ANGPT1: variants seen among roughly 807,000 people sequenced by gnomAD.
The protein encoded by ANGPT1 is angiopoietin 1.
ANGPT1 carries 17 observed loss-of-function variants against 62.2 expected under a neutral mutation model. The observed-to-expected ratio is 0.27, with a 90% CI of 0.19 to 0.41. The LOEUF is 0.41. Ranked by LOEUF, ANGPT1 falls within the 10% of genes least tolerant of loss-of-function variation. The pLI, the probability that ANGPT1 is intolerant of heterozygous loss-of-function variation, is 1.00. For synonymous variants in ANGPT1, 199 were observed against 198.9 expected, an observed-to-expected ratio of 1.00 and a Z score of 0.00; for missense variants, 478 against 594.9, an observed-to-expected ratio of 0.80 and a Z score of 2.04.
chr8:107,362,980 T>C lies in ANGPT1; in HGVS notation c.298-15883A>G, dbSNP rs17297728. ...ATGACTTCTTCCAAACTGGGGGAAA[T>C]GTCTTGGTGAATTCCCACAGGCAGG... On this transcript the variant is annotated intron_variant, in intron 1 of 8. Transcript: ENST00000517746. Among the ~76,000 whole-genome samples the C allele has an allele frequency of 3.3e-3, 501 of 152,204 alleles. 1 individual carries two copies. The highest frequency in any genetic ancestry group is 5.5e-3 in the Non-Finnish European group (373 of 68,006).
At chr8:107,317,804 T>C (rs1815054842) in intron 4 of ANGPT1, among the ~76,000 whole-genome samples, 1 of 151,972 alleles carries the variant, frequency 6.6e-6, no homozygotes, top group South Asian at 2.1e-4. Context: ...CTAATTTCTG[T>C]ATTTTTAGTA....
At position 107,497,650 on chromosome 8, in the gene ANGPT1, C is replaced by T. The variant is rs1813149062; in HGVS notation, c.-92G>A. 6 of 1,337,048 alleles carry T rather than the reference C, an allele frequency of 4.5e-6. No homozygotes were observed. In the East Asian group the frequency reaches 1.3e-4, roughly 29 times the overall value. 82.8% of individuals were successfully genotyped at this position (1,337,048 alleles called of 1,614,324 possible). ...TAGTTCTTTATTTCAGGTAAAACTG[C>T]TTGTTTGTTTGACTCTTTCCCCCTC... On this transcript the variant is annotated 5_prime_UTR_variant, in exon 1 of 9. Transcript: ENST00000517746.
chr8:107,437,821 A>C (rs1176453314), intron 1 of ANGPT1, among the ~76,000 whole-genome samples: 2 of 152,088 alleles, frequency 1.3e-5, no homozygotes, highest in East Asian at 3.9e-4. Context: ...TAAAAAAATA[A>C]GAAAAAGAAA....
intron 1 of ANGPT1, among the ~76,000 whole-genome samples, chr8:107,448,645 T>C (rs1397697081): frequency 6.6e-6 from 1 of 152,140 alleles, no homozygotes; most frequent in African/African-American, 2.4e-5. Flanking sequence ...GTGACCTTTG[T>C]CATTTGGGTA....
chr8:107,310,991 GTA>G (rs1814845468), intron 4 of ANGPT1, among the ~76,000 whole-genome samples: 1 of 150,504 alleles, frequency 6.6e-6, no homozygotes, highest in Non-Finnish European at 1.5e-5. Flanking sequence ...GAGTGTGTGT[GTA>G]TGTGTGTGAC....
intron 1 of ANGPT1, among the ~76,000 whole-genome samples, chr8:107,370,531 G>T (rs568944144): frequency 7.4e-6 from 1 of 134,958 alleles, no homozygotes; most frequent in Non-Finnish European, 1.6e-5. Context: ...GCCCAACATG[G>T]TCTCTACTAA....
chr8:107,338,936 G>A (rs1167215157), intron 2 of ANGPT1, among the ~76,000 whole-genome samples: 2 of 152,180 alleles, frequency 1.3e-5, no homozygotes, highest in Non-Finnish European at 2.9e-5. Flanking sequence ...GAGGTACATT[G>A]TCTCACTAAA....
At chr8:107,349,191 GA>G (rs1815880629) in intron 1 of ANGPT1, among the ~76,000 whole-genome samples, 2 of 151,130 alleles carry the variant, frequency 1.3e-5, no homozygotes, top group African/African-American at 2.4e-5. Flanking sequence ...TAGACACTTG[GA>G]TGCATAGATA....
In ANGPT1 at chr8:107,491,803, G is replaced by C. The variant is rs558484835; in HGVS notation, c.297+5459C>G. Among the ~76,000 whole-genome samples the C allele has an allele frequency of 5.3e-5, 8 of 152,250 alleles. No homozygotes were observed. In the South Asian group the frequency reaches 1.7e-3, roughly 32 times the overall value. On this transcript the variant is annotated intron_variant, in intron 1 of 8. Transcript: ENST00000517746. ...TGAGAAGTTGTAGGAGGATTTTAAG[G>C]GGGGAAATGACATTCTTATTCATTT...
intron 8 of ANGPT1, among the ~76,000 whole-genome samples, chr8:107,262,583 T>C (rs1244935260): frequency 6.6e-6 from 1 of 152,224 alleles, no homozygotes; most frequent in Non-Finnish European, 1.5e-5. Context: ...TATGTTTTAA[T>C]AATGGTAGTA....
intron 7 of ANGPT1, among the ~76,000 whole-genome samples, chr8:107,271,521 T>C (rs1346066197): frequency 6.6e-6 from 1 of 151,798 alleles, no homozygotes; most frequent in East Asian, 1.9e-4. Flanking sequence ...AACAATGACA[T>C]AGAGATACAG....
At chr8:107,411,340 A>T (rs989879393) in intron 1 of ANGPT1, among the ~76,000 whole-genome samples, 1 of 152,198 alleles carries the variant, frequency 6.6e-6, no homozygotes, top group Non-Finnish European at 1.5e-5. Flanking sequence ...TTAAATAAAC[A>T]TTGTTTGTTT....
intron 1 of ANGPT1, among the ~76,000 whole-genome samples, chr8:107,366,521 ACT>A (rs1816276801): frequency 2.0e-5 from 3 of 152,310 alleles, no homozygotes; most frequent in Admixed American, 2.0e-4. Context: ...TGTACAATAA[ACT>A]CAACACAGTT....
chr8:107,289,315 T>G (rs987699186), intron 6 of ANGPT1, among the ~76,000 whole-genome samples: 1 of 152,128 alleles, frequency 6.6e-6, no homozygotes, highest in African/African-American at 2.4e-5. Context: ...ATGTTCAATT[T>G]TGGTTTGTGC....
intron 1 of ANGPT1, among the ~76,000 whole-genome samples, chr8:107,356,099 C>A (rs1304254554): frequency 6.6e-6 from 1 of 152,212 alleles, no homozygotes; most frequent in Non-Finnish European, 1.5e-5. Context: ...TAGCAATTAT[C>A]AATGATCCCC....
intron 2 of ANGPT1, 117 bp from the exon 3 acceptor site, chr8:107,336,388 G>A (rs1815561589): frequency 2.2e-6 from 3 of 1,393,538 alleles, no homozygotes; most frequent in African/African-American, 1.5e-5. Context: ...GTTTACCGCC[G>A]GGCGCAGTGG....
intron 1 of ANGPT1, among the ~76,000 whole-genome samples, chr8:107,369,809 T>C (rs937789747): frequency 6.6e-6 from 1 of 152,074 alleles, no homozygotes; most frequent in Non-Finnish European, 1.5e-5. Context: ...TGAGTGTGGT[T>C]CATGGCACTC....
intron 7 of ANGPT1, among the ~76,000 whole-genome samples, chr8:107,278,018 A>C (rs1813905608): frequency 6.6e-6 from 1 of 152,060 alleles, no homozygotes; most frequent in Non-Finnish European, 1.5e-5. Flanking sequence ...TTGACTCAAT[A>C]ATATATTTCT....
At chr8:107,372,037 A>G (rs958628392) in intron 1 of ANGPT1, among the ~76,000 whole-genome samples, 3 of 151,388 alleles carry the variant, frequency 2.0e-5, no homozygotes, top group African/African-American at 4.9e-5. Flanking sequence ...AAATTACTAG[A>G]AAAAAAAATG....
Sources: allele counts gnomAD v4.1 joint callset (sites outside exome capture counted in the v4.1 genomes callset), GRCh38; gene constraint gnomAD v4.1.1; transcripts MANE v1.5; gene names NCBI Gene and HGNC (gene_info 2026-07-23, HGNC 2026-07-21).